The following PALS1 variants were observed in gnomAD, a reference collection of about 807,000 sequenced individuals.
PALS1 encodes the protein protein PALS1.
In PALS1, 31 loss-of-function variants were observed where a neutral mutation model predicts 78.9. The observed-to-expected ratio is 0.39, with a 90% confidence interval of 0.30 to 0.53. The LOEUF is 0.53. PALS1 is among the 20% of genes least tolerant of loss of function. PALS1 has a pLI of 0.67. For missense variants in PALS1, 704 were observed against 826.5 expected (o/e 0.85, Z 1.82); for synonymous variants, 276 against 270.9 (o/e 1.02, Z -0.18).
chr14:67,298,275 T>A (rs891337598), intron 4 of PALS1, among the ~76,000 whole-genome samples: 6 of 152,098 alleles, frequency 3.9e-5, no homozygotes, highest in African/African-American at 1.4e-4. Context: ...ATAGTTATAC[T>A]GTTACTAGGG....
At chr14:67,242,060 C>T (rs2083914581) in intron 1 of PALS1, 5 of 152,170 alleles carry the variant, frequency 3.3e-5, no homozygotes, top group Admixed American at 3.3e-4. Context: ...AAAGAAAAGC[C>T]TAGTTTTGTT....
chr14:67,246,565 A>G (rs944791528), intron 1 of PALS1, among the ~76,000 whole-genome samples: 1 of 151,814 alleles, frequency 6.6e-6, no homozygotes, highest in South Asian at 2.1e-4. Context: ...GGTCTTGAGC[A>G]GCTGAGCACA....
At chr14:67,320,155 A>G (rs1163210781) in intron 11 of PALS1, 75 bp from the exon 12 acceptor site, 1 of 1,365,394 alleles carries the variant, frequency 7.3e-7, no homozygotes, top group Non-Finnish European at 9.8e-7. Context: ...ATTTTGGGTG[A>G]AGATCTATGA....
intron 1 of PALS1, among the ~76,000 whole-genome samples, chr14:67,252,856 A>G (rs539846782): frequency 4.6e-5 from 7 of 152,364 alleles, no homozygotes; most frequent in African/African-American, 1.7e-4. Context: ...CCATAAACAG[A>G]TAATTTGACA....
intron 13 of PALS1, among the ~76,000 whole-genome samples, chr14:67,321,820 T>A (rs1356840877): frequency 2.0e-5 from 3 of 152,192 alleles, no homozygotes; most frequent in Non-Finnish European, 4.4e-5. Context: ...TATGCTTGTA[T>A]GTATGTTCTG....
Position 67,312,646 on chromosome 14 carries a change from A to G in PALS1, c.1161A>G (p.Pro387=). 1 of 1,613,558 alleles carries G rather than the reference A, an allele frequency of 6.2e-7. No individual in the cohort carries two copies. The highest frequency in any genetic ancestry group is 1.3e-5 in the African/African-American group (1 of 75,032). Residue 387 remains proline (P), a synonymous_variant, in exon 9 of 15, where the codon CCA becomes CCG. Coordinates refer to ENST00000261681, the MANE Select transcript of PALS1 (RefSeq NM_022474.4). ...DILHVISQED[P]NWWQAYREGD... is the part of the protein sequence containing the mutation. The stretch of plus-strand genomic sequence containing the variant: ...TTCATGTGATCAGTCAAGAAGATCC[A>G]AACTGGTGGCAGGCCTACAGGGAAG...
chr14:67,298,461 G>A (rs1293975960), intron 4 of PALS1, among the ~76,000 whole-genome samples: 2 of 150,868 alleles, frequency 1.3e-5, no homozygotes, highest in Non-Finnish European at 2.9e-5. Context: ...GTTGCAGTGA[G>A]CCAAGATCAT....
intron 3 of PALS1, among the ~76,000 whole-genome samples, chr14:67,287,303 T>C (rs927286093): frequency 4.2e-5 from 6 of 143,830 alleles, no homozygotes; most frequent in Non-Finnish European, 8.9e-5. Context: ...TTACATTTCC[T>C]TAGTTTTTTT....
intron 3 of PALS1, among the ~76,000 whole-genome samples, chr14:67,280,858 TCCC>T (rs1567518352): frequency 4.7e-4 from 56 of 118,084 alleles, no homozygotes; most frequent in African/African-American, 1.5e-3. Flanking sequence ...CTTCCTTCCC[TCCC>T]TCCCTCCCTC....
intron 1 of PALS1, among the ~76,000 whole-genome samples, chr14:67,269,093 C>G (rs1446983408): frequency 6.6e-6 from 1 of 152,168 alleles, no homozygotes; most frequent in Non-Finnish European, 1.5e-5. Flanking sequence ...TTTGCCTCTT[C>G]TGGATATTTC....
intron 4 of PALS1, among the ~76,000 whole-genome samples, chr14:67,298,296 C>T (rs2084885600): frequency 6.6e-6 from 1 of 151,950 alleles, no homozygotes; most frequent in African/African-American, 2.4e-5. Flanking sequence ...GCCGGACCAC[C>T]TGAGGTCAGG....
chr14:67,306,012 C>T (rs1371352213), intron 8 of PALS1, among the ~76,000 whole-genome samples: 1 of 152,178 alleles, frequency 6.6e-6, no homozygotes, highest in Non-Finnish European at 1.5e-5. Flanking sequence ...TCACTCTTGT[C>T]ACCGAGGCAA....
At chr14:67,280,853 T>TTCCTTCCCTCCCTCCTTCCCTCCC (rs1328488242) in intron 3 of PALS1, among the ~76,000 whole-genome samples, 1 of 77,610 alleles carries the variant, frequency 1.3e-5, no homozygotes, top group East Asian at 6.6e-4. Context: ...CCTTCCTTCC[T>TTCCTTCCCTCCCTCCTTCCCTCCC]TCCCTCCCTC....
In PALS1 at chr14:67,333,390, G is replaced by A. The variant is rs2085479825; in HGVS notation, c.*434G>A. On this transcript the variant is annotated 3_prime_UTR_variant, in exon 15 of 15. Transcript: ENST00000261681. ...ACTTCATTGGGAATATTGAGCAGAG[G>A]GACTGTGCTTCTATGCACTGGGCAA... 6.5e-6 allele frequency: 1 copy of A among 153,682 alleles called. No individual in the cohort carries two copies. The highest frequency in any genetic ancestry group is 1.5e-5 in the Non-Finnish European group (1 of 68,886). 9.5% of individuals were successfully genotyped at this position (153,682 alleles called of 1,614,324 possible). A position where few individuals can be genotyped will look rare whatever the true frequency, so the allele number is the denominator to read the frequency against.
intron 1 of PALS1, among the ~76,000 whole-genome samples, chr14:67,252,134 A>G (rs2084074218): frequency 6.6e-6 from 1 of 152,162 alleles, no homozygotes; most frequent in African/African-American, 2.4e-5. Context: ...CAGTAATAGT[A>G]AGTAAAGTGC....
chr14:67,301,338 A>G (rs1360682707), intron 4 of PALS1, 51 bp from the exon 5 acceptor site: 1 of 1,233,074 alleles, frequency 8.1e-7, no homozygotes, highest in Non-Finnish European at 1.2e-6. Context: ...TACAGGTGCT[A>G]CTGATACTTC....
Position 67,335,253 on chromosome 14 carries a change from A to T in PALS1, c.*2297A>T, listed in dbSNP as rs1246248027. On this transcript the variant is annotated 3_prime_UTR_variant, in exon 15 of 15. Coordinates refer to ENST00000261681, the MANE Select transcript of PALS1 (RefSeq NM_022474.4). ...TGTGCTGATATTCAACATAGTCCTT[A>T]AAGTGAAAACTGAGTTGTTGCTGAC... 6.6e-6 allele frequency: 1 copy of T among 152,372 alleles called. No homozygotes were observed. The highest frequency in any genetic ancestry group is 2.1e-4 in the South Asian group (1 of 4,834). The allele number at this position is 152,372 out of a possible 1,614,324, so 9.4% of individuals were successfully genotyped here.
At chr14:67,316,584 A>AAAAAAAAAT (rs2085179488) in intron 9 of PALS1, among the ~76,000 whole-genome samples, 1 of 152,196 alleles carries the variant, frequency 6.6e-6, no homozygotes, top group East Asian at 1.9e-4. Flanking sequence ...TGAACTATTA[A>AAAAAAAAAT]ATTTTTAAAT....
rs763122747 is a variant in PALS1 at position 67,292,653 on chromosome 14, A to G, written c.510A>G (p.Thr170=). The part of the protein sequence containing the change: ...QNAFKIHNAI[T]VHMNKASPPF... ...CATTTAAGATACACAATGCCATCAC[A>G]GTACACATGAACAAGGCCAGTCCTC... The change falls in exon 4 of 15, where the codon ACA becomes ACG. Residue 170 remains threonine (T), a synonymous_variant. Transcript: ENST00000261681. 8 of 1,613,806 alleles carry G rather than the reference A, an allele frequency of 5.0e-6. No individual in the cohort carries two copies. The highest frequency in any genetic ancestry group is 5.9e-6 in the Non-Finnish European group (7 of 1,179,800).
Sources: allele counts gnomAD v4.1 joint callset (sites outside exome capture counted in the v4.1 genomes callset), GRCh38; gene constraint gnomAD v4.1.1; transcripts MANE v1.5; gene names NCBI Gene and HGNC (gene_info 2026-07-23, HGNC 2026-07-21).